FAF1: variants seen among roughly 807,000 people sequenced by gnomAD.
FAF1 encodes FAS-associated factor 1.
A neutral mutation model predicts 92.5 loss-of-function variants in FAF1; 25 were observed. The observed-to-expected ratio is 0.27, with a 90% CI of 0.20 to 0.38. FAF1 has a LOEUF of 0.38. FAF1 is among the 10% of genes least tolerant of loss of function. The probability of loss-of-function intolerance (pLI) is 1.00; values close to 1 mark genes in which losing one functional copy is unlikely to be tolerated. For synonymous variants in FAF1, 234 were observed against 273.2 expected, an observed-to-expected ratio of 0.86 and a Z score of 1.42; for missense variants, 636 against 793.3, an observed-to-expected ratio of 0.80 and a Z score of 2.38.
At chr1:50,946,418 C>T (rs1440054135) in intron 1 of FAF1, among the ~76,000 whole-genome samples, 2 of 152,194 alleles carry the variant, frequency 1.3e-5, no homozygotes, top group African/African-American at 4.8e-5. Flanking sequence ...CCCAATATCT[C>T]GTCATTAATA....
At chr1:50,790,053 T>TACTA (rs113724622) in intron 3 of FAF1, among the ~76,000 whole-genome samples, 3,041 of 152,332 alleles carry the variant, frequency 0.02, 95 homozygotes, top group African/African-American at 0.07. Context: ...AATTCCACAC[T>TACTA]ACTAACTATA....
chr1:50,549,628 A>C (rs1649205175), intron 13 of FAF1, among the ~76,000 whole-genome samples: 1 of 152,132 alleles, frequency 6.6e-6, no homozygotes, highest in African/African-American at 2.4e-5. Context: ...TACAAAAAGT[A>C]GCTGGGCGTG....
intron 1 of FAF1, among the ~76,000 whole-genome samples, chr1:50,859,884 C>T (rs189441089): frequency 3.3e-5 from 5 of 151,836 alleles, no homozygotes; most frequent in Admixed American, 2.0e-4. Flanking sequence ...AGCATGGAAT[C>T]GATACAAAAA....
chr1:50,781,792 T>G lies in FAF1; in HGVS notation c.367+6208A>C, dbSNP rs1661189575. Among the ~76,000 whole-genome samples the G allele has an allele frequency of 2.0e-5, 3 of 152,146 alleles. No homozygotes were observed. The South Asian group carries it at 6.3e-4, about 32-fold the overall frequency. ...AAACTTAAGATGACTGAAATCATATTAAGTGTCCTTCGCAACCAAAATAAA... is the reference window on the plus strand; with the variant it reads ...AAACTTAAGATGACTGAAATCATATGAAGTGTCCTTCGCAACCAAAATAAA... On this transcript the variant is annotated intron_variant, in intron 4 of 18. Coordinates refer to ENST00000396153, the MANE Select transcript of FAF1 (RefSeq NM_007051.3).
At chr1:50,721,213 C>T (rs537494398) in intron 6 of FAF1, among the ~76,000 whole-genome samples, 6 of 151,686 alleles carry the variant, frequency 4.0e-5, no homozygotes, top group Admixed American at 6.6e-5. Context: ...CTTATCACCA[C>T]GCTGGAGATA....
At chr1:50,767,559 G>T (rs933696269) in intron 4 of FAF1, among the ~76,000 whole-genome samples, 1 of 152,100 alleles carries the variant, frequency 6.6e-6, no homozygotes, top group South Asian at 2.1e-4. Context: ...AAGACAGCTG[G>T]AGAAAAGGGA....
intron 7 of FAF1, among the ~76,000 whole-genome samples, chr1:50,677,794 C>A (rs368506601): frequency 4.0e-5 from 6 of 148,960 alleles, no homozygotes; most frequent in Non-Finnish European, 8.9e-5. Context: ...ACTCAGGAGG[C>A]TGAGGCAGGA....
At chr1:50,599,476 A>T (rs1375592493) in intron 8 of FAF1, among the ~76,000 whole-genome samples, 1 of 152,188 alleles carries the variant, frequency 6.6e-6, no homozygotes, top group Non-Finnish European at 1.5e-5. Flanking sequence ...CTTCAGCACA[A>T]ATTAAGGTAG....
chr1:50,766,347 A>G (rs1166442737), intron 4 of FAF1, among the ~76,000 whole-genome samples: 1 of 152,216 alleles, frequency 6.6e-6, no homozygotes, highest in Non-Finnish European at 1.5e-5. Context: ...TTTTGTTTAT[A>G]AACTATGAAA....
chr1:50,725,813 A>G (rs551302576), intron 6 of FAF1, among the ~76,000 whole-genome samples: 16 of 152,322 alleles, frequency 1.1e-4, no homozygotes, highest in Admixed American at 6.5e-4. Flanking sequence ...AGTCCCATTT[A>G]GTACCCTGAA....
At chr1:50,893,663 C>T (rs559585304) in intron 1 of FAF1, among the ~76,000 whole-genome samples, 25 of 152,306 alleles carry the variant, frequency 1.6e-4, no homozygotes, top group African/African-American at 5.5e-4. Context: ...TACTGAGTCA[C>T]ATCCCAGGCT....
At chr1:50,719,115 T>C (rs1658306185) in intron 6 of FAF1, among the ~76,000 whole-genome samples, 1 of 152,250 alleles carries the variant, frequency 6.6e-6, no homozygotes, top group Non-Finnish European at 1.5e-5. Context: ...TTAGATTGTA[T>C]TTCATTCAGG....
intron 15 of FAF1, among the ~76,000 whole-genome samples, chr1:50,522,112 G>T (rs1168459546): frequency 1.3e-5 from 2 of 152,160 alleles, no homozygotes; most frequent in Admixed American, 6.5e-5. Context: ...GCAATTAAGA[G>T]AAACTTTCTT....
intron 2 of FAF1, among the ~76,000 whole-genome samples, chr1:50,823,663 C>T (rs1180558525): frequency 6.8e-6 from 1 of 147,142 alleles, no homozygotes; most frequent in Middle Eastern, 3.4e-3. Flanking sequence ...TTTTTGAAAA[C>T]AATAAAAAAA....
At chr1:50,606,282 T>C (rs1557431740) in intron 8 of FAF1, among the ~76,000 whole-genome samples, 1 of 152,112 alleles carries the variant, frequency 6.6e-6, no homozygotes, top group South Asian at 2.1e-4. Flanking sequence ...TTCTAAAACA[T>C]ATAACAACCA....
intron 12 of FAF1, among the ~76,000 whole-genome samples, chr1:50,575,354 T>C (rs1381642537): frequency 6.6e-6 from 1 of 152,218 alleles, no homozygotes; most frequent in Non-Finnish European, 1.5e-5. Flanking sequence ...CTAACAAATA[T>C]ACTATTTAGT....
intron 8 of FAF1, among the ~76,000 whole-genome samples, chr1:50,621,252 G>T (rs1447894819): frequency 6.6e-6 from 1 of 152,160 alleles, no homozygotes; most frequent in African/African-American, 2.4e-5. Flanking sequence ...AATGCACTCT[G>T]GCTGGGCTGC....
intron 1 of FAF1, among the ~76,000 whole-genome samples, chr1:50,958,500 A>T (rs1645288247): frequency 6.6e-6 from 1 of 152,040 alleles, no homozygotes; most frequent in African/African-American, 2.4e-5. Flanking sequence ...ACACGGCGAA[A>T]CCCTGTCTCT....
chr1:50,948,683 C>T (rs543941461), intron 1 of FAF1, among the ~76,000 whole-genome samples: 1 of 152,214 alleles, frequency 6.6e-6, no homozygotes, highest in African/African-American at 2.4e-5. Context: ...CAGGTGCACG[C>T]CACCATACCC....
Sources: allele counts gnomAD v4.1 joint callset (sites outside exome capture counted in the v4.1 genomes callset), GRCh38; gene constraint gnomAD v4.1.1; transcripts MANE v1.5; gene names NCBI Gene and HGNC (gene_info 2026-07-23, HGNC 2026-07-21).